Variants in IL1RAPL1 observed in about 807,000 individuals in gnomAD.
IL1RAPL1 encodes interleukin 1 receptor accessory protein like 1, also known as interleukin-1 receptor accessory protein-like 1.
IL1RAPL1 carries 3 observed loss-of-function variants against 48.4 expected under a neutral mutation model. The observed-to-expected ratio is 0.06, with a 90% confidence interval of 0.03 to 0.16. The LOEUF (loss-of-function observed/expected upper bound fraction) is 0.16, where lower values mean the gene tolerates loss of function less well. IL1RAPL1 is among the 10% of genes least tolerant of loss of function. The probability of loss-of-function intolerance (pLI) is 1.00; values close to 1 mark genes in which losing one functional copy is unlikely to be tolerated. For missense variants in IL1RAPL1, 349 were observed against 530.6 expected (o/e 0.66, Z 3.36); for synonymous variants, 185 against 187.7 (o/e 0.99, Z 0.12).
At chrX:28,714,138 T>A (rs1349903819) in intron 1 of IL1RAPL1, among the ~76,000 whole-genome samples, 1 of 112,118 alleles carries the variant, frequency 8.9e-6, no homozygotes, top group Non-Finnish European at 1.9e-5. Flanking sequence ...AGTCTCCTGA[T>A]GATTTTATGC....
intron 5 of IL1RAPL1, among the ~76,000 whole-genome samples, chrX:29,424,053 A>C: frequency 9.0e-6 from 1 of 111,593 alleles, no homozygotes; most frequent in East Asian, 2.8e-4. Context: ...CAAGATGAAA[A>C]GTGGTATGAG....
chrX:28,787,640 G>A (rs1017256869), intron 1 of IL1RAPL1, among the ~76,000 whole-genome samples: 4 of 111,218 alleles, frequency 3.6e-5, no homozygotes, highest in African/African-American at 1.3e-4. Context: ...CTTGCCACAG[G>A]TGAATGGATT....
intron 1 of IL1RAPL1, among the ~76,000 whole-genome samples, chrX:28,768,755 C>CTCTCTCTATATATATATA (rs1364972830): frequency 2.9e-5 from 1 of 34,890 alleles, no homozygotes; most frequent in Non-Finnish European, 4.8e-5. Flanking sequence ...CTCTCTCTCT[C>CTCTCTCTATATATATATA]TATATATATA....
chrX:29,659,687 C>T (rs1354958340), intron 5 of IL1RAPL1, among the ~76,000 whole-genome samples: 3 of 111,645 alleles, frequency 2.7e-5, no homozygotes, highest in Admixed American at 1.9e-4. Context: ...TGCAATGGCG[C>T]GATCTCAGCT....
intron 6 of IL1RAPL1, among the ~76,000 whole-genome samples, chrX:29,691,780 T>C (rs1926782237): frequency 1.0e-5 from 1 of 97,365 alleles, no homozygotes; most frequent in South Asian, 5.1e-4. Context: ...AAACTCACTA[T>C]ACTGTTTTCT....
intron 1 of IL1RAPL1, among the ~76,000 whole-genome samples, chrX:28,739,019 T>C (rs769831278): frequency 9.0e-6 from 1 of 111,127 alleles, no homozygotes; most frequent in Non-Finnish European, 1.9e-5. Flanking sequence ...TCCATTAGCT[T>C]TGCAAAAAGA....
At chrX:29,342,112 T>TTG (rs753779178) in intron 3 of IL1RAPL1, among the ~76,000 whole-genome samples, 23,208 of 87,298 alleles carry the variant, frequency 0.27, 2,765 homozygotes, top group Middle Eastern at 0.44. Flanking sequence ...CGGCCTTGTT[T>TTG]TGTGTGTGTG....
chrX:29,482,148 A>C (rs1935047900), intron 5 of IL1RAPL1, among the ~76,000 whole-genome samples: 1 of 112,211 alleles, frequency 8.9e-6, no homozygotes, highest in Admixed American at 9.5e-5. Flanking sequence ...CTCATCATTA[A>C]CCACTATGAA....
At chrX:29,879,357 A>ATCCCCG (rs1555929711) in intron 6 of IL1RAPL1, among the ~76,000 whole-genome samples, 1 of 83,981 alleles carries the variant, frequency 1.2e-5, no homozygotes, top group Non-Finnish European at 2.4e-5. Flanking sequence ...AGTTTTATAT[A>ATCCCCG]TGTGTGTGTG....
chrX:29,671,996 A>C (rs1926153225), intron 6 of IL1RAPL1, among the ~76,000 whole-genome samples: 2 of 112,123 alleles, frequency 1.8e-5, no homozygotes, highest in African/African-American at 6.5e-5. Context: ...AATTTTGGGG[A>C]AATAGAGAGA....
chrX:29,255,137 G>GTA (rs1338356383), intron 2 of IL1RAPL1, among the ~76,000 whole-genome samples: 3 of 98,275 alleles, frequency 3.1e-5, no homozygotes, highest in African/African-American at 4.3e-5. Context: ...GTGTGTGTGT[G>GTA]TGTGCGTGTG....
At chrX:29,312,473 C>A (rs1266363048) in intron 3 of IL1RAPL1, among the ~76,000 whole-genome samples, 2 of 111,376 alleles carry the variant, frequency 1.8e-5, no homozygotes, top group African/African-American at 6.5e-5. Flanking sequence ...TTATTCCCCT[C>A]CCCAGGGTTT....
chrX:29,519,846 C>T lies in IL1RAPL1; in HGVS notation c.703+120538C>T, dbSNP rs756289667. Among the ~76,000 whole-genome samples the T allele has an allele frequency of 4.5e-5, 5 of 111,377 alleles. No homozygotes were observed. The Admixed American group carries it at 4.8e-4, about 11-fold the overall frequency. ...TAGCCTAAATGATTTCTCAGAGGTC[C>T]CCAGCAGGGTTGATTCCCGGTTGCT... On this transcript the variant is annotated intron_variant, in intron 5 of 10. Transcript: ENST00000378993.
intron 2 of IL1RAPL1, among the ~76,000 whole-genome samples, chrX:28,933,371 C>A (rs1207751327): frequency 9.0e-6 from 1 of 111,511 alleles, no homozygotes; most frequent in African/African-American, 3.3e-5. Flanking sequence ...TGTGTAAACA[C>A]TCTTGTAAAA....
chrX:29,190,274 A>G (rs758572149), intron 2 of IL1RAPL1, among the ~76,000 whole-genome samples: 1 of 112,046 alleles, frequency 8.9e-6, no homozygotes, highest in Non-Finnish European at 1.9e-5. Context: ...GCTATTTGGT[A>G]TCATATGAAG....
At chrX:29,011,097 G>A (rs1014229181) in intron 2 of IL1RAPL1, among the ~76,000 whole-genome samples, 4 of 111,561 alleles carry the variant, frequency 3.6e-5, no homozygotes, top group Admixed American at 9.5e-5. Context: ...ACCATATATC[G>A]TATATATTGC....
At chrX:29,083,392 A>G (rs1392932274) in intron 2 of IL1RAPL1, among the ~76,000 whole-genome samples, 1 of 111,940 alleles carries the variant, frequency 8.9e-6, no homozygotes, top group African/African-American at 3.2e-5. Flanking sequence ...CCTATTTAGG[A>G]TGCAATTATA....
intron 2 of IL1RAPL1, among the ~76,000 whole-genome samples, chrX:29,230,529 A>AAAAAAAAAAAAAAAC (rs869274263): frequency 4.1e-5 from 4 of 98,652 alleles, no homozygotes; most frequent in African/African-American, 1.1e-4. Context: ...AAAAAAAAAA[A>AAAAAAAAAAAAAAAC]AAAAAACCTT....
intron 1 of IL1RAPL1, among the ~76,000 whole-genome samples, chrX:28,719,419 T>C (rs1233171434): frequency 9.0e-6 from 1 of 111,236 alleles, no homozygotes; most frequent in Non-Finnish European, 1.9e-5. Flanking sequence ...AATGGAATAT[T>C]ATATTGGGCA....
Sources: allele counts gnomAD v4.1 joint callset (sites outside exome capture counted in the v4.1 genomes callset), GRCh38; gene constraint gnomAD v4.1.1; transcripts MANE v1.5; gene names NCBI Gene and HGNC (gene_info 2026-07-23, HGNC 2026-07-21).